EXOC4: variants seen among roughly 807,000 people sequenced by gnomAD.
EXOC4 encodes SEC8-like 1.
EXOC4 carries 71 observed loss-of-function variants against 107.2 expected under a neutral mutation model. The ratio of observed to expected loss-of-function variants is 0.66; its 90% CI spans 0.55 to 0.81. The LOEUF (loss-of-function observed/expected upper bound fraction) is 0.81. Ranked by LOEUF, EXOC4 falls within the 30% of genes least tolerant of loss-of-function variation. The pLI is 0.00. For missense variants in EXOC4, 1,108 were observed against 1,189.6 expected, an observed-to-expected ratio of 0.93 and a Z score of 1.01; for synonymous variants, 456 against 441.2, an observed-to-expected ratio of 1.03 and a Z score of -0.42.
intron 9 of EXOC4, among the ~76,000 whole-genome samples, chr7:133,515,815 A>T (rs1799865539): frequency 6.6e-6 from 1 of 152,184 alleles, no homozygotes; most frequent in African/African-American, 2.4e-5. Context: ...AAGTAAAAAC[A>T]GATGCTTCAC....
chr7:133,869,197 T>C (rs1798703034), intron 11 of EXOC4, among the ~76,000 whole-genome samples: 1 of 152,044 alleles, frequency 6.6e-6, no homozygotes, highest in African/African-American at 2.4e-5. Context: ...GCATCTTTTC[T>C]GTCCTCTTCA....
At chr7:133,399,423 A>G (rs1001371139) in intron 7 of EXOC4, among the ~76,000 whole-genome samples, 2 of 152,080 alleles carry the variant, frequency 1.3e-5, no homozygotes, top group African/African-American at 4.8e-5. Context: ...TACCAGCATC[A>G]CTCGTTCATT....
chr7:133,507,191 C>T (rs575756268), intron 9 of EXOC4, among the ~76,000 whole-genome samples: 1 of 152,108 alleles, frequency 6.6e-6, no homozygotes, highest in African/African-American at 2.4e-5. Flanking sequence ...ACTTTCTCAA[C>T]TTAAAAAAAA....
chr7:133,805,811 ATATATTT>A (rs1321872728), intron 10 of EXOC4, among the ~76,000 whole-genome samples: 3 of 152,232 alleles, frequency 2.0e-5, no homozygotes, highest in Non-Finnish European at 2.9e-5. Flanking sequence ...CCAAATAGTC[ATATATTT>A]TATAAGTTGA....
At chr7:133,914,175 G>A (rs1799754985) in intron 12 of EXOC4, among the ~76,000 whole-genome samples, 1 of 152,068 alleles carries the variant, frequency 6.6e-6, no homozygotes, top group Non-Finnish European at 1.5e-5. Context: ...CCCTTTTCTT[G>A]TTTCTAACTT....
At chr7:133,312,058 C>T (rs1230069729) in intron 4 of EXOC4, among the ~76,000 whole-genome samples, 1 of 152,050 alleles carries the variant, frequency 6.6e-6, no homozygotes, top group Non-Finnish European at 1.5e-5. Context: ...GTTTCTAGGT[C>T]TACATCCTAC....
intron 14 of EXOC4, among the ~76,000 whole-genome samples, chr7:133,982,348 C>G (rs1404651331): frequency 2.6e-5 from 4 of 152,110 alleles, no homozygotes; most frequent in Non-Finnish European, 5.9e-5. Flanking sequence ...GTCAGGAGAT[C>G]GAGACCATCC....
At chr7:133,871,230 C>G (rs1798744530) in intron 11 of EXOC4, among the ~76,000 whole-genome samples, 1 of 151,772 alleles carries the variant, frequency 6.6e-6, no homozygotes, top group African/African-American at 2.4e-5. Context: ...CTCTTCCCAA[C>G]TCTGAGTTCA....
chr7:133,842,748 C>T (rs892694053), intron 11 of EXOC4, among the ~76,000 whole-genome samples: 1 of 151,974 alleles, frequency 6.6e-6, no homozygotes, highest in African/African-American at 2.4e-5. Context: ...AGGTTATTTT[C>T]CAGGGTTTTT....
intron 7 of EXOC4, among the ~76,000 whole-genome samples, chr7:133,417,514 A>G (rs140500558): frequency 1.1e-3 from 170 of 152,344 alleles, no homozygotes; most frequent in African/African-American, 4.0e-3. Flanking sequence ...TGTAGTGACT[A>G]TAAGAAACCA....
intron 7 of EXOC4, among the ~76,000 whole-genome samples, chr7:133,409,964 A>T (rs951224053): frequency 2.0e-5 from 3 of 152,188 alleles, no homozygotes; most frequent in Non-Finnish European, 4.4e-5. Context: ...TCTTAAGAGA[A>T]TATTCAGAAT....
the EXOC4 span, among the ~76,000 whole-genome samples, chr7:134,099,903 C>T: frequency 6.6e-5 from 10 of 152,020 alleles, no homozygotes; most frequent in African/African-American, 2.2e-4. Flanking sequence ...TACAAGGTTT[C>T]GCCATGTTGG....
intron 10 of EXOC4, among the ~76,000 whole-genome samples, chr7:133,747,152 C>G (rs1347584850): frequency 6.6e-6 from 1 of 152,130 alleles, no homozygotes; most frequent in Non-Finnish European, 1.5e-5. Context: ...AATGAATCTT[C>G]CAGTAGCATT....
At chr7:133,617,288 C>T (rs1419778183) in intron 9 of EXOC4, among the ~76,000 whole-genome samples, 1 of 152,026 alleles carries the variant, frequency 6.6e-6, no homozygotes, top group East Asian at 1.9e-4. Flanking sequence ...GACACTTGCA[C>T]TGGAAAAACT....
At chr7:133,635,805 T>C (rs1373803283) in intron 10 of EXOC4, among the ~76,000 whole-genome samples, 5 of 152,214 alleles carry the variant, frequency 3.3e-5, no homozygotes, top group African/African-American at 1.2e-4. Flanking sequence ...GCCTCTTCCC[T>C]GTGCACTGGG....
At chr7:133,762,232 G>C (rs545145674) in intron 10 of EXOC4, among the ~76,000 whole-genome samples, 1 of 152,096 alleles carries the variant, frequency 6.6e-6, no homozygotes, top group African/African-American at 2.4e-5. Context: ...TAAGCTATTA[G>C]GTTTGAACAA....
chr7:133,981,723 G>A (rs754528522), intron 14 of EXOC4, among the ~76,000 whole-genome samples: 9 of 151,906 alleles, frequency 5.9e-5, no homozygotes, highest in Admixed American at 1.3e-4. Context: ...CAGAACTACC[G>A]TTCTACCCAG....
chr7:133,717,772 T>TC (rs765948055), intron 10 of EXOC4, among the ~76,000 whole-genome samples: 7 of 152,364 alleles, frequency 4.6e-5, no homozygotes, highest in African/African-American at 1.7e-4. Context: ...AAGGCTCTTG[T>TC]CTTATCCTTG....
At chr7:133,606,807 T>C (rs6953910) in intron 9 of EXOC4, among the ~76,000 whole-genome samples, 3,558 of 152,184 alleles carry the variant, frequency 0.023, 140 homozygotes, top group African/African-American at 0.081. Flanking sequence ...TGAGCCACTG[T>C]GCCTGGCCCT....
Sources: gnomAD v4.1 joint callset for allele counts (sites outside exome capture counted in the v4.1 genomes callset) on GRCh38, gnomAD v4.1.1 for gene constraint, MANE v1.5 for transcripts, NCBI Gene and HGNC (gene_info 2026-07-23, HGNC 2026-07-21) for gene names.